ARAP2: variants seen among roughly 807,000 people sequenced by gnomAD.
The protein encoded by ARAP2 is arf-GAP with Rho-GAP domain, ANK repeat and PH domain-containing protein 2.
In ARAP2, 148 loss-of-function variants were observed where a neutral mutation model predicts 194.5. The observed-to-expected ratio is 0.76, with a 90% CI of 0.67 to 0.87. The LOEUF (loss-of-function observed/expected upper bound fraction) is 0.87. Among genes scored for constraint, ARAP2 ranks in the 40% least tolerant of loss-of-function variants. The pLI, the probability that ARAP2 is intolerant of heterozygous loss-of-function variation, is 0.00. For synonymous variants in ARAP2, 695 were observed against 683.5 expected, an observed-to-expected ratio of 1.02 and a Z score of -0.26; for missense variants, 2,128 against 1,989.7, an observed-to-expected ratio of 1.07 and a Z score of -1.32.
At chr4:36,008,280 G>A (rs1027938078) in intron 9 of ARAP2, among the ~76,000 whole-genome samples, 1 of 152,032 alleles carries the variant, frequency 6.6e-6, no homozygotes, top group South Asian at 2.1e-4. Flanking sequence ...CACATTACCT[G>A]ACTTCAGCCT....
At chr4:36,210,775 G>T (rs755893609) in intron 5 of ARAP2, 32 bp from the exon 6 acceptor site, 17 of 1,429,310 alleles carry the variant, frequency 1.2e-5, no homozygotes, top group Non-Finnish European at 1.6e-5. Context: ...ACATTTCAAA[G>T]TGCTATATGT....
intron 27 of ARAP2, among the ~76,000 whole-genome samples, chr4:36,100,705 C>A (rs532060179): frequency 6.6e-6 from 1 of 152,162 alleles, no homozygotes; most frequent in South Asian, 2.1e-4. Context: ...CATGAGAAGA[C>A]ACCAAACTGG....
At chr4:36,037,777 ATATTT>A (rs1226364346) in intron 5 of ARAP2, among the ~76,000 whole-genome samples, 4 of 152,074 alleles carry the variant, frequency 2.6e-5, no homozygotes, top group African/African-American at 7.2e-5. Context: ...AAATTCACCA[ATATTT>A]TATTTTATAT....
At position 36,148,523 on chromosome 4, in the gene ARAP2, A is replaced by G. The variant is rs1264267499; in HGVS notation, c.2898-16T>C. ...AAAGATGGGCCTAAAACATGCACAAATAAAAAGATACTACCAGTTATATTT... is the reference window on the plus strand; with the variant it reads ...AAAGATGGGCCTAAAACATGCACAAGTAAAAAGATACTACCAGTTATATTT... On this transcript the variant is annotated splice_polypyrimidine_tract_variant and intron_variant, in intron 16 of 32. Coordinates refer to ENST00000303965, the MANE Select transcript of ARAP2 (RefSeq NM_015230.4). 2 of 1,573,104 alleles carry G rather than the reference A, an allele frequency of 1.3e-6. No individual in the cohort carries two copies. The highest frequency in any genetic ancestry group is 1.7e-5 in the Admixed American group (1 of 59,338).
At chr4:36,200,213 T>C (rs946477029) in intron 6 of ARAP2, among the ~76,000 whole-genome samples, 3 of 150,728 alleles carry the variant, frequency 2.0e-5, no homozygotes, top group Non-Finnish European at 2.9e-5. Context: ...TTTACACTTA[T>C]ATCTTTTCTC....
intron 3 of ARAP2, among the ~76,000 whole-genome samples, chr4:36,051,406 G>A (rs1487043611): frequency 6.6e-6 from 1 of 152,062 alleles, no homozygotes; most frequent in Non-Finnish European, 1.5e-5. Context: ...GAACCCGGGA[G>A]GCAGAGGTTA....
intron 27 of ARAP2, among the ~76,000 whole-genome samples, chr4:36,094,887 A>G (rs1401836079): frequency 6.6e-6 from 1 of 152,188 alleles, no homozygotes. Flanking sequence ...GCACACAGTT[A>G]AAGAGTGCTG....
chr4:36,205,914 T>C (rs1330472078), intron 6 of ARAP2, among the ~76,000 whole-genome samples: 1 of 152,238 alleles, frequency 6.6e-6, no homozygotes, highest in Non-Finnish European at 1.5e-5. Context: ...TGTTTACAAG[T>C]AGCTAGTGCT....
At chr4:36,017,587 A>AAAAAAAAAAAAAAAATTTTTTGG (rs1716086471) in intron 6 of ARAP2, among the ~76,000 whole-genome samples, 1 of 148,342 alleles carries the variant, frequency 6.7e-6, no homozygotes, top group Admixed American at 6.7e-5. Flanking sequence ...AAAAAAAAAA[A>AAAAAAAAAAAAAAAATTTTTTGG]GCTTTCTGTG....
intron 25 of ARAP2, among the ~76,000 whole-genome samples, chr4:36,116,276 T>C (rs1001502744): frequency 1.3e-5 from 2 of 151,824 alleles, no homozygotes; most frequent in African/African-American, 2.4e-5. Context: ...TCCAAATATA[T>C]CTAATGTTGT....
chr4:36,106,216 T>C (rs187467840), intron 27 of ARAP2, among the ~76,000 whole-genome samples: 2 of 152,096 alleles, frequency 1.3e-5, no homozygotes, highest in Non-Finnish European at 1.5e-5. Context: ...TGTGCATTCA[T>C]ACATGTGCAT....
chr4:36,078,887 G>C (rs923426832), intron 31 of ARAP2, among the ~76,000 whole-genome samples: 2 of 150,232 alleles, frequency 1.3e-5, no homozygotes, highest in Admixed American at 1.3e-4. Context: ...AGTAGAACTC[G>C]ATGTGGCCTA....
At chr4:36,197,215 T>C (rs1248866862) in intron 6 of ARAP2, among the ~76,000 whole-genome samples, 1 of 152,158 alleles carries the variant, frequency 6.6e-6, no homozygotes, top group Admixed American at 6.5e-5. Flanking sequence ...TCAGGGTAAA[T>C]ATATCCATCA....
chr4:36,234,986 G>A (rs1347184805), intron 1 of ARAP2, among the ~76,000 whole-genome samples: 1 of 152,100 alleles, frequency 6.6e-6, no homozygotes. Flanking sequence ...GGCAACAAAA[G>A]GGAAGTAACA....
chr4:36,036,524 A>C (rs892325514), intron 5 of ARAP2, among the ~76,000 whole-genome samples: 1 of 152,276 alleles, frequency 6.6e-6, no homozygotes. Context: ...TGATGAATCA[A>C]TGATAATGAT....
At chr4:36,101,322 A>T (rs1035849310) in intron 27 of ARAP2, among the ~76,000 whole-genome samples, 1 of 152,070 alleles carries the variant, frequency 6.6e-6, no homozygotes, top group South Asian at 2.1e-4. Flanking sequence ...TCCTTCTATC[A>T]TTAAATTATT....
At chr4:36,077,635 C>A (rs562274812) in intron 31 of ARAP2, among the ~76,000 whole-genome samples, 2 of 152,222 alleles carry the variant, frequency 1.3e-5, no homozygotes, top group African/African-American at 4.8e-5. Flanking sequence ...TCTGAGTTGA[C>A]ATCTTCTTTC....
intron 2 of ARAP2, 31 bp from the exon 3 acceptor site, chr4:36,214,511 G>A: frequency 6.9e-7 from 1 of 1,458,976 alleles, no homozygotes; most frequent in South Asian, 1.3e-5. Context: ...ATACTTATGA[G>A]TGAAAATATT....
chr4:36,070,544 T>C (rs976185611), intron 32 of ARAP2, among the ~76,000 whole-genome samples: 3 of 152,200 alleles, frequency 2.0e-5, no homozygotes, highest in Non-Finnish European at 4.4e-5. Context: ...GAGCAGGTTT[T>C]ACTTATCATA....
Sources: allele counts gnomAD v4.1 joint callset (sites outside exome capture counted in the v4.1 genomes callset), GRCh38; gene constraint gnomAD v4.1.1; transcripts MANE v1.5; gene names NCBI Gene and HGNC (gene_info 2026-07-23, HGNC 2026-07-21).